Variants in LINGO2 observed in about 807,000 individuals in gnomAD.
The protein encoded by LINGO2 is leucine rich repeat and Ig domain containing 2, also known as leucine-rich repeat and immunoglobulin-like domain-containing nogo receptor-interacting protein 2.
Under a neutral mutation model 30.6 loss-of-function variants are expected in LINGO2, and 14 were observed. The observed-to-expected ratio is 0.46, with a 90% CI of 0.30 to 0.72. The LOEUF (loss-of-function observed/expected upper bound fraction) is 0.72. Among genes scored for constraint, LINGO2 ranks in the 30% least tolerant of loss-of-function variants. The pLI is 0.07. For missense variants in LINGO2, 729 were observed against 751.7 expected (o/e 0.97, Z 0.35); for synonymous variants, 317 against 288.5 (o/e 1.10, Z -1.00).
intron 4 of LINGO2, among the ~76,000 whole-genome samples, chr9:28,199,465 A>C (rs1820147113): frequency 6.6e-6 from 1 of 151,694 alleles, no homozygotes. Context: ...CAGCCTCCCG[A>C]GTAGCTGGGA....
chr9:28,442,432 T>A (rs1824236124), intron 2 of LINGO2, among the ~76,000 whole-genome samples: 1 of 152,148 alleles, frequency 6.6e-6, no homozygotes, highest in Non-Finnish European at 1.5e-5. Flanking sequence ...AACATCACAC[T>A]GTGCCATGTA....
the LINGO2 span, among the ~76,000 whole-genome samples, chr9:28,730,016 G>GT: frequency 6.6e-6 from 1 of 152,024 alleles, no homozygotes; most frequent in African/African-American, 2.4e-5. Flanking sequence ...AACAGTAGAT[G>GT]TAGAGATACA....
the LINGO2 span, among the ~76,000 whole-genome samples, chr9:29,011,733 G>A: frequency 6.6e-6 from 1 of 152,054 alleles, no homozygotes; most frequent in Non-Finnish European, 1.5e-5. Flanking sequence ...GGCTTTGTAG[G>A]CAAAGTAGCC....
intron 2 of LINGO2, among the ~76,000 whole-genome samples, chr9:28,413,623 C>A (rs1389223247): frequency 6.6e-6 from 1 of 152,054 alleles, no homozygotes; most frequent in Non-Finnish European, 1.5e-5. Flanking sequence ...CAGGGTACCA[C>A]AATGGCTTTC....
chr9:29,211,808 A>C, the LINGO2 span, among the ~76,000 whole-genome samples: 2 of 152,074 alleles, frequency 1.3e-5, no homozygotes, highest in Non-Finnish European at 2.9e-5. Flanking sequence ...CAGGTCCCCT[A>C]GCTCACCTCG....
chr9:28,883,734 G>A, the LINGO2 span, among the ~76,000 whole-genome samples: 2 of 146,078 alleles, frequency 1.4e-5, no homozygotes, highest in Non-Finnish European at 3.0e-5. Flanking sequence ...CTGAAGTGCA[G>A]TGGCATGATC....
At chr9:28,456,989 C>T (rs537677786) in intron 2 of LINGO2, among the ~76,000 whole-genome samples, 7 of 152,292 alleles carry the variant, frequency 4.6e-5, no homozygotes, top group African/African-American at 1.7e-4. Flanking sequence ...AAGCAAGAAT[C>T]ATTTTCTACA....
intron 2 of LINGO2, among the ~76,000 whole-genome samples, chr9:28,464,379 GTTGT>G (rs1241100966): frequency 6.6e-6 from 1 of 152,116 alleles, no homozygotes; most frequent in Non-Finnish European, 1.5e-5. Flanking sequence ...TTATATTATA[GTTGT>G]TTGGATGAAT....
chr9:28,521,103 A>T (rs1164675902), intron 1 of LINGO2, among the ~76,000 whole-genome samples: 1 of 152,234 alleles, frequency 6.6e-6, no homozygotes, highest in African/African-American at 2.4e-5. Context: ...TGGAGGGAAT[A>T]CTAATCCTCT....
upstream of LINGO2, among the ~76,000 whole-genome samples, chr9:28,673,964 A>T (rs1829124554): frequency 6.6e-6 from 1 of 152,024 alleles, no homozygotes; most frequent in African/African-American, 2.4e-5. Context: ...AAAAAATAAA[A>T]AAAAAATCCA....
At chr9:28,355,327 GTCTCTGTC>G (rs1820144536) in intron 3 of LINGO2, among the ~76,000 whole-genome samples, 1 of 30,688 alleles carries the variant, frequency 3.3e-5, no homozygotes, top group African/African-American at 1.1e-4. Flanking sequence ...CTCTCTCTCT[GTCTCTGTC>G]TCTCTCTCTC....
At chr9:28,811,763 C>A in the LINGO2 span, among the ~76,000 whole-genome samples, 1 of 152,042 alleles carries the variant, frequency 6.6e-6, no homozygotes, top group Non-Finnish European at 1.5e-5. Context: ...TCCTTCATGA[C>A]CATCTTTAAT....
rs1823853251 is a variant in LINGO2 at position 28,434,731 on chromosome 9, C to T, written c.-279+41209G>A. ...AATACAATCAGATATGAATATTTCT[C>T]TTTTGTTTCTTTCCTAATCCATAAT... is the stretch of plus-strand genomic sequence containing the variant. On this transcript the variant is annotated intron_variant, in intron 2 of 5. Coordinates refer to ENST00000379992, the Ensembl canonical transcript of LINGO2. 2.6e-5 allele frequency among the ~76,000 whole-genome samples: 4 copies of T among 152,052 alleles called. No individual in the cohort carries two copies. In the South Asian group the frequency reaches 6.2e-4, roughly 24 times the overall value.
the LINGO2 span, among the ~76,000 whole-genome samples, chr9:28,682,163 T>A: frequency 6.6e-6 from 1 of 152,288 alleles, no homozygotes; most frequent in Admixed American, 6.5e-5. Flanking sequence ...CTGCCCTTTA[T>A]AAAAAATGGA....
At chr9:28,076,861 T>C (rs1429352546) in intron 4 of LINGO2, among the ~76,000 whole-genome samples, 1 of 152,142 alleles carries the variant, frequency 6.6e-6, no homozygotes, top group Non-Finnish European at 1.5e-5. Context: ...AGCCATCTTT[T>C]CCCCTCTGGC....
chr9:28,232,667 T>C (rs879001798), intron 4 of LINGO2, among the ~76,000 whole-genome samples: 1 of 152,128 alleles, frequency 6.6e-6, no homozygotes, highest in Admixed American at 6.6e-5. Context: ...ACAATAATTA[T>C]TATTAACTGC....
chr9:28,633,224 C>T (rs562069719), intron 1 of LINGO2, among the ~76,000 whole-genome samples: 4 of 152,090 alleles, frequency 2.6e-5, no homozygotes, highest in East Asian at 1.9e-4. Context: ...TCACTTTTGG[C>T]GATACCCATA....
chr9:28,744,639 T>TGTGTGTGTGTGTG, the LINGO2 span, among the ~76,000 whole-genome samples: 4 of 141,580 alleles, frequency 2.8e-5, no homozygotes, highest in Admixed American at 6.9e-5. Flanking sequence ...TGTGTGTGTG[T>TGTGTGTGTGTGTG]ATTTTTTTTT....
chr9:28,026,863 T>C (rs1173978637), intron 4 of LINGO2, among the ~76,000 whole-genome samples: 1 of 152,198 alleles, frequency 6.6e-6, no homozygotes, highest in African/African-American at 2.4e-5. Flanking sequence ...ATGACTAAAC[T>C]TTGCCCTTGT....
Sources: allele counts gnomAD v4.1 joint callset (sites outside exome capture counted in the v4.1 genomes callset), GRCh38; gene constraint gnomAD v4.1.1; transcripts MANE v1.5; gene names NCBI Gene and HGNC (gene_info 2026-07-23, HGNC 2026-07-21).